The following CRADD variants were observed in gnomAD, a reference collection of about 807,000 sequenced individuals.
CRADD encodes death domain-containing protein CRADD.
In CRADD, 9 loss-of-function variants were observed where a neutral mutation model predicts 15.5. The ratio of observed to expected loss-of-function variants is 0.58; its 90% CI spans 0.35 to 1.01. CRADD has a LOEUF of 1.01. Among genes scored for constraint, CRADD ranks in the 50% least tolerant of loss-of-function variants. The pLI is 0.02. For missense variants in CRADD, 227 were observed against 250.3 expected, an observed-to-expected ratio of 0.91 and a Z score of 0.63; for synonymous variants, 118 against 107.6, an observed-to-expected ratio of 1.10 and a Z score of -0.60.
chr12:93,840,410 C>T (rs1220820954), intron 2 of CRADD, among the ~76,000 whole-genome samples: 2 of 152,034 alleles, frequency 1.3e-5, no homozygotes. Context: ...TTAAGTTGAT[C>T]TTGTATCTGG....
At chr12:93,834,137 T>A (rs1052817057) in intron 2 of CRADD, among the ~76,000 whole-genome samples, 26 of 152,188 alleles carry the variant, frequency 1.7e-4, no homozygotes, top group Admixed American at 1.6e-3. Context: ...CTTACCCCCA[T>A]GGGCCTGCAG....
intron 2 of CRADD, among the ~76,000 whole-genome samples, chr12:93,766,231 G>A (rs941045222): frequency 3.9e-5 from 6 of 152,206 alleles, no homozygotes; most frequent in Non-Finnish European, 5.9e-5. Flanking sequence ...CTCCCCAAGC[G>A]TTCCTTAGTG....
chr12:93,802,162 C>T (rs1287035404), intron 2 of CRADD, among the ~76,000 whole-genome samples: 1 of 152,172 alleles, frequency 6.6e-6, no homozygotes, highest in Non-Finnish European at 1.5e-5. Context: ...CATGCATGTG[C>T]ATGTGTCTTT....
At chr12:93,876,439 A>G (rs1179835664) in intron 2 of CRADD, among the ~76,000 whole-genome samples, 1 of 152,138 alleles carries the variant, frequency 6.6e-6, no homozygotes, top group Non-Finnish European at 1.5e-5. Context: ...CCTCCTATTT[A>G]AGGCCAATAA....
chr12:93,792,674 A>G (rs892881392), intron 2 of CRADD, among the ~76,000 whole-genome samples: 11 of 152,202 alleles, frequency 7.2e-5, no homozygotes, highest in Non-Finnish European at 1.3e-4. Context: ...GTACTGTTTC[A>G]GTTATGGACA....
intron 2 of CRADD, among the ~76,000 whole-genome samples, chr12:93,723,564 C>T (rs1281571462): frequency 6.6e-6 from 1 of 152,182 alleles, no homozygotes; most frequent in African/African-American, 2.4e-5. Flanking sequence ...GAACCATAGC[C>T]TCTGGATTTT....
intron 2 of CRADD, among the ~76,000 whole-genome samples, chr12:93,684,014 C>T (rs997714598): frequency 6.6e-6 from 1 of 151,972 alleles, no homozygotes; most frequent in African/African-American, 2.4e-5. Context: ...AGACCCTTCC[C>T]TCGGTAAAGG....
intron 2 of CRADD, among the ~76,000 whole-genome samples, chr12:93,834,352 G>T (rs1227367344): frequency 2.0e-5 from 3 of 151,808 alleles, no homozygotes; most frequent in Non-Finnish European, 4.4e-5. Flanking sequence ...ATTTTAGTTA[G>T]TTACATTGCT....
intron 2 of CRADD, among the ~76,000 whole-genome samples, chr12:93,751,739 C>T (rs1044245992): frequency 1.3e-5 from 2 of 152,160 alleles, no homozygotes; most frequent in Non-Finnish European, 2.9e-5. Context: ...TGGTGTGTGC[C>T]TGTAGTCCCA....
At chr12:93,862,607 G>C (rs1958327282) in intron 2 of CRADD, among the ~76,000 whole-genome samples, 1 of 152,168 alleles carries the variant, frequency 6.6e-6, no homozygotes, top group African/African-American at 2.4e-5. Flanking sequence ...TGTTAAGTAA[G>C]GTGGGGTGAG....
chr12:93,845,430 G>A (rs950018479), intron 2 of CRADD, among the ~76,000 whole-genome samples: 2 of 152,114 alleles, frequency 1.3e-5, no homozygotes, highest in Non-Finnish European at 2.9e-5. Context: ...CAAGAGAGGA[G>A]CACAGCTTGT....
At chr12:93,774,594 T>A (rs73220850) in intron 2 of CRADD, among the ~76,000 whole-genome samples, 1,901 of 152,334 alleles carry the variant, frequency 0.012, 21 homozygotes, top group Non-Finnish European at 0.02. Flanking sequence ...ATTCTGATCA[T>A]GATAGCTAGA....
In CRADD at chr12:93,712,313, T is replaced by C. The variant is rs552309923; in HGVS notation, c.298+33241T>C. On this transcript the variant is annotated intron_variant, in intron 2 of 2. Transcript: ENST00000332896. The stretch of plus-strand genomic sequence containing the variant: ...ACTACCTGAAATTGTCCTGCTTAGT[T>C]ATATGCTAGTTTATTGTCTTTCACT... Among the ~76,000 whole-genome samples, 310 of 152,340 alleles carry C rather than the reference T, an allele frequency of 2.0e-3. 4 individuals are homozygous for C. The highest frequency in any genetic ancestry group is 7.0e-3 in the African/African-American group (293 of 41,572).
At chr12:93,764,086 C>T (rs546508551) in intron 2 of CRADD, among the ~76,000 whole-genome samples, 4 of 151,958 alleles carry the variant, frequency 2.6e-5, no homozygotes, top group South Asian at 2.1e-4. Flanking sequence ...GCCATTAGCA[C>T]GGCTTACATT....
intron 2 of CRADD, among the ~76,000 whole-genome samples, chr12:93,872,292 A>G (rs1958427361): frequency 1.3e-5 from 2 of 152,020 alleles, no homozygotes; most frequent in Admixed American, 6.6e-5. Context: ...GAATCCTTAT[A>G]TATTCTTATT....
At chr12:93,855,546 T>C (rs1272396914), downstream of CRADD, among the ~76,000 whole-genome samples, 1 of 152,226 alleles carries the variant, frequency 6.6e-6, no homozygotes. Context: ...TCTATGGGAA[T>C]GCAGAGGAGA....
chr12:93,850,054 G>A lies in CRADD; in HGVS notation c.383G>A (p.Gly128Asp). Residue 128 changes from glycine (G) to aspartate (D), a missense_variant, in exon 3 of 3, where the codon GGC becomes GAC. Physicochemically the swap from Gly to Asp is moderately conservative, Grantham distance 94. Transcript: ENST00000332896. The surrounding 1 kb of genome is among the most constrained non-coding windows in gnomAD (Gnocchi z 4.0). ...RQINQLAQRL[G>D]PEWEPMVLSL... ...ATTAACCAGCTGGCCCAGAGGCTGG[G>A]CCCTGAGTGGGAGCCCATGGTGCTG... 6.2e-7 allele frequency: 1 copy of A among 1,611,998 alleles called. No homozygotes were observed. Among genetic ancestry groups the A allele is most frequent in the South Asian group, 1.1e-5 (1 of 91,050 alleles).
chr12:93,878,955 A>G (rs957086183), intron 2 of CRADD, among the ~76,000 whole-genome samples: 3 of 152,302 alleles, frequency 2.0e-5, no homozygotes, highest in South Asian at 4.1e-4. Context: ...GGGGGAAGAT[A>G]GGTGGCACTT....
intron 2 of CRADD, among the ~76,000 whole-genome samples, chr12:93,736,222 A>G (rs1042102985): frequency 3.9e-5 from 6 of 152,206 alleles, no homozygotes; most frequent in South Asian, 2.1e-4. Context: ...AATCATGGCA[A>G]TTGAGCTAGA....
Sources: allele counts gnomAD v4.1 joint callset (sites outside exome capture counted in the v4.1 genomes callset), GRCh38; gene constraint gnomAD v4.1.1; non-coding constraint Gnocchi (gnomAD v3.1); transcripts MANE v1.5; gene names NCBI Gene and HGNC (gene_info 2026-07-23, HGNC 2026-07-21).